The following PELP1 variants were observed in gnomAD, a reference collection of about 807,000 sequenced individuals.
PELP1 encodes proline, glutamate and leucine rich protein 1, also known as proline-, glutamic acid- and leucine-rich protein 1.
PELP1 carries 32 observed loss-of-function variants against 95.5 expected under a neutral mutation model. That is an observed-to-expected ratio of 0.34 (90% CI 0.25 to 0.45). PELP1 has a LOEUF of 0.45. PELP1 is among the 20% of genes least tolerant of loss of function. PELP1 has a pLI of 1.00. For missense variants in PELP1, 1,358 were observed against 1,444.8 expected (o/e 0.94, Z 0.97); for synonymous variants, 668 against 600.1 (o/e 1.11, Z -1.65).
chr17:4,695,604 T>G (rs906116896), intron 1 of PELP1, among the ~76,000 whole-genome samples: 19 of 143,924 alleles, frequency 1.3e-4, no homozygotes, highest in African/African-American at 4.7e-4. Flanking sequence ...CGTTCAAGGC[T>G]GCAGTGAGCT....
At chr17:4,696,859 T>C (rs575715571) in intron 1 of PELP1, 2 of 151,972 alleles carry the variant, frequency 1.3e-5, no homozygotes, top group Non-Finnish European at 2.9e-5. Flanking sequence ...GCTGAACAAC[T>C]AGAAAGATGA....
chr17:4,692,514 C>T (rs995239383), intron 1 of PELP1, among the ~76,000 whole-genome samples: 1 of 151,740 alleles, frequency 6.6e-6, no homozygotes, highest in Non-Finnish European at 1.5e-5. Context: ...TCATGTGAGA[C>T]CTTATTTTAG....
rs1182326165 is a variant in PELP1, at chr17:4,672,753, G to A, written c.2238C>T (p.Pro746=). ...TTTCATCTGGGGGTATAGTAGGTGG[G>A]GGAGTCCCACTAGGGGCAAGGATGG... ...EDPILAPSGT[P]PPTIPPDETF... The change falls in exon 16 of 17, where the codon CCC becomes CCT. Residue 746 remains proline (P), a synonymous_variant. Coordinates refer to ENST00000572293, the MANE Select transcript of PELP1 (RefSeq NM_014389.3). 3.1e-6 allele frequency: 5 copies of A among 1,613,440 alleles called. No individual in the cohort carries two copies. The highest frequency in any genetic ancestry group is 2.7e-5 in the African/African-American group (2 of 74,930).
At position 4,685,525 on chromosome 17, in the gene PELP1, C is replaced by G. The variant is rs554624378; in HGVS notation, c.421-2573G>C. On this transcript the variant is annotated intron_variant, in intron 3 of 16. Transcript: ENST00000572293. ...AGATGCCAGGCCAGGCACGGTAGCA[C>G]CTGCCTGTAATCCCAACACTTTGGG... Among the ~76,000 whole-genome samples, 4 of 152,274 alleles carry G rather than the reference C, an allele frequency of 2.6e-5. No individual in the cohort carries two copies. In the East Asian group the frequency reaches 7.7e-4, roughly 29 times the overall value.
Position 4,676,819 on chromosome 17 carries a change from G to T in PELP1, c.643-7C>A. On this transcript the variant is annotated splice_region_variant and splice_polypyrimidine_tract_variant and intron_variant, in intron 5 of 16. Coordinates refer to ENST00000572293, the MANE Select transcript of PELP1 (RefSeq NM_014389.3). ...AAAATGAGGCCAGCTTGCCCTGGATGTGGAGGAAAAAAGGAAGAGGCCAGT... is the reference window on the plus strand; with the variant it reads ...AAAATGAGGCCAGCTTGCCCTGGATTTGGAGGAAAAAAGGAAGAGGCCAGT... The T allele has an allele frequency of 6.4e-7, 1 of 1,559,906 alleles. No homozygotes were observed. The highest frequency in any genetic ancestry group is 8.7e-7 in the Non-Finnish European group (1 of 1,151,526).
chr17:4,691,135 G>A, intron 2 of PELP1, 142 bp from the exon 3 acceptor site: 3 of 677,312 alleles, frequency 4.4e-6, no homozygotes, highest in Non-Finnish European at 7.7e-6. Flanking sequence ...TACTTGGAAT[G>A]AGGTGGAAGA....
intron 3 of PELP1, among the ~76,000 whole-genome samples, chr17:4,687,541 G>A (rs1912952110): frequency 1.3e-5 from 2 of 149,066 alleles, no homozygotes; most frequent in South Asian, 4.2e-4. Flanking sequence ...ACTAGAACAG[G>A]AATCAGTAAA....
intron 1 of PELP1, among the ~76,000 whole-genome samples, chr17:4,701,325 G>GA (rs144417967): frequency 9.9e-5 from 7 of 70,592 alleles, no homozygotes; most frequent in African/African-American, 5.0e-4. Context: ...GATGAGAGTT[G>GA]GGGGGGTGGG....
At chr17:4,690,539 T>C (rs558967978) in intron 3 of PELP1, among the ~76,000 whole-genome samples, 1 of 151,986 alleles carries the variant, frequency 6.6e-6, no homozygotes, top group East Asian at 1.9e-4. Flanking sequence ...CTGGCCAACA[T>C]GTTAAAACCT....
At chr17:4,676,874 T>C (rs1912503180) in intron 5 of PELP1, 62 bp from the exon 6 acceptor site, 3 of 1,219,204 alleles carry the variant, frequency 2.5e-6, no homozygotes, top group Non-Finnish European at 3.5e-6. Context: ...GAGATGTACA[T>C]CCCATCCGTT....
chr17:4,695,258 G>A (rs930091640), intron 1 of PELP1, among the ~76,000 whole-genome samples: 2 of 151,902 alleles, frequency 1.3e-5, no homozygotes, highest in Non-Finnish European at 2.9e-5. Context: ...GGAGGCAGAG[G>A]TCGCAGTGAG....
intron 1 of PELP1, among the ~76,000 whole-genome samples, chr17:4,695,908 C>A (rs2063239144): frequency 6.6e-6 from 1 of 151,548 alleles, no homozygotes; most frequent in South Asian, 2.1e-4. Flanking sequence ...CTCAGGTGAT[C>A]CGCCCACCTT....
At chr17:4,680,051 C>G (rs1912634149) in intron 5 of PELP1, among the ~76,000 whole-genome samples, 1 of 152,192 alleles carries the variant, frequency 6.6e-6, no homozygotes, top group Non-Finnish European at 1.5e-5. Flanking sequence ...TTACAATTAC[C>G]AGATAATATA....
intron 1 of PELP1, among the ~76,000 whole-genome samples, chr17:4,693,067 T>A (rs9906704): frequency 0.025 from 3,839 of 152,252 alleles, 67 homozygotes; most frequent in Admixed American, 0.037. Flanking sequence ...CAAGATGTAT[T>A]GATACTCTCA....
chr17:4,698,653 C>A (rs55666642), intron 1 of PELP1, among the ~76,000 whole-genome samples: 135,731 of 139,246 alleles, frequency 0.97, 66,306 homozygotes, highest in East Asian at 1. Flanking sequence ...AAAAAAAAAA[C>A]AAGGCAAAAC....
intron 1 of PELP1, among the ~76,000 whole-genome samples, chr17:4,700,685 G>A (rs1195160147): frequency 1.3e-5 from 2 of 152,016 alleles, no homozygotes; most frequent in Middle Eastern, 3.2e-3. Context: ...AGGATTTTGG[G>A]GGGCCAAGGC....
At chr17:4,683,178 T>A in intron 3 of PELP1, 1 of 848,150 alleles carries the variant, frequency 1.2e-6, no homozygotes, top group Non-Finnish European at 1.6e-6. Flanking sequence ...AAAAAAAGAG[T>A]AACAAAGCTA....
intron 5 of PELP1, among the ~76,000 whole-genome samples, chr17:4,677,395 T>C (rs1027062620): frequency 2.0e-5 from 3 of 152,178 alleles, no homozygotes; most frequent in African/African-American, 7.2e-5. Flanking sequence ...CCTGTGATCA[T>C]GGATGGGGAA....
intron 1 of PELP1, among the ~76,000 whole-genome samples, chr17:4,699,948 G>C (rs113674465): frequency 2.4e-5 from 3 of 123,492 alleles, no homozygotes; most frequent in African/African-American, 9.1e-5. Flanking sequence ...TATCACCCAG[G>C]CTAGAGTGCA....
Sources: gnomAD v4.1 joint callset for allele counts (sites outside exome capture counted in the v4.1 genomes callset) on GRCh38, gnomAD v4.1.1 for gene constraint, MANE v1.5 for transcripts, NCBI Gene and HGNC (gene_info 2026-07-23, HGNC 2026-07-21) for gene names.